PRKCH: variants seen among roughly 807,000 people sequenced by gnomAD.
PRKCH encodes protein kinase C eta.
PRKCH carries 28 observed loss-of-function variants against 82.5 expected under a neutral mutation model. That is an observed-to-expected ratio of 0.34 (90% confidence interval 0.25 to 0.47). The LOEUF (loss-of-function observed/expected upper bound fraction) is 0.47, where lower values mean the gene tolerates loss of function less well. Ranked by LOEUF, PRKCH falls within the 20% of genes least tolerant of loss-of-function variation. PRKCH has a pLI of 1.00. For missense variants in PRKCH, 705 were observed against 881.8 expected (o/e 0.80, Z 2.54); for synonymous variants, 322 against 327.4 (o/e 0.98, Z 0.18).
intron 2 of PRKCH, among the ~76,000 whole-genome samples, chr14:61,427,482 C>A (rs184546676): frequency 3.3e-5 from 5 of 152,230 alleles, no homozygotes; most frequent in Admixed American, 2.6e-4. Context: ...AGATTCTTTA[C>A]GGATGCAAAT....
chr14:61,484,764 CTTTTTTTTTT>C (rs375542490), intron 9 of PRKCH, among the ~76,000 whole-genome samples: 35 of 121,206 alleles, frequency 2.9e-4, no homozygotes, highest in Admixed American at 1.0e-3. Flanking sequence ...ATTTGGCTTC[CTTTTTTTTTT>C]TTTTTTTTTG....
intron 1 of PRKCH, among the ~76,000 whole-genome samples, chr14:61,351,376 G>C (rs930750341): frequency 6.6e-6 from 1 of 152,202 alleles, no homozygotes; most frequent in Non-Finnish European, 1.5e-5. Context: ...TGAGAGATGG[G>C]CGAGGAGTGC....
At chr14:61,281,072 A>G in intron 1 of PRKCH, 1 of 1,517,362 alleles carries the variant, frequency 6.6e-7, no homozygotes, top group Non-Finnish European at 8.8e-7. Context: ...AGCGGCTGCC[A>G]GGCGGGGAGG....
At chr14:61,526,364 C>T (rs1046563743) in intron 10 of PRKCH, among the ~76,000 whole-genome samples, 2 of 152,174 alleles carry the variant, frequency 1.3e-5, no homozygotes, top group Admixed American at 6.5e-5. Flanking sequence ...CCCTGACACC[C>T]GGGGAGGCTG....
At chr14:61,240,066 A>C (rs1003991017) in intron 1 of PRKCH, among the ~76,000 whole-genome samples, 2 of 152,330 alleles carry the variant, frequency 1.3e-5, no homozygotes, top group Non-Finnish European at 2.9e-5. Flanking sequence ...TTAGTAACTG[A>C]GTGCAACACA....
intron 1 of PRKCH, chr14:61,298,561 A>G (rs751870459): frequency 4.6e-5 from 7 of 152,196 alleles, no homozygotes; most frequent in Non-Finnish European, 8.8e-5. Context: ...ATTCATTTAC[A>G]AATTACAAAT....
intron 1 of PRKCH, among the ~76,000 whole-genome samples, chr14:61,269,060 T>C (rs1416775802): frequency 6.6e-6 from 1 of 152,246 alleles, no homozygotes; most frequent in Non-Finnish European, 1.5e-5. Context: ...GTGGCAGTCT[T>C]TTCCATTTTT....
Position 61,280,390 on chromosome 14 carries a change from C to G in PRKCH, c.-19+92722C>G. 1 of 1,614,022 alleles carries G rather than the reference C, an allele frequency of 6.2e-7. No homozygotes were observed. The highest frequency in any genetic ancestry group is 8.5e-7 in the Non-Finnish European group (1 of 1,179,906). ...CGTGGGCAGCGCCGCCGTGCGCATC[C>G]ACACCACGAAGTCCTGATTGATGAA... On this transcript the variant is annotated intron_variant, in intron 1 of 3. Transcript: ENST00000555185. This position sits in a 1 kb window ranked among gnomAD's most constrained non-coding sequence, Gnocchi z 5.0.
chr14:61,496,774 T>C (rs2139941690), intron 10 of PRKCH, among the ~76,000 whole-genome samples: 2 of 152,326 alleles, frequency 1.3e-5, no homozygotes, highest in South Asian at 4.1e-4. Flanking sequence ...CTACGCTTTT[T>C]TTATTTTAAG....
intron 1 of PRKCH, among the ~76,000 whole-genome samples, chr14:61,336,146 G>A (rs935972458): frequency 6.6e-6 from 1 of 152,136 alleles, no homozygotes; most frequent in African/African-American, 2.4e-5. Context: ...TCTACCCTCA[G>A]CACTTCAATA....
intron 1 of PRKCH, among the ~76,000 whole-genome samples, chr14:61,365,751 G>A (rs1244428856): frequency 6.6e-6 from 1 of 151,964 alleles, no homozygotes; most frequent in Non-Finnish European, 1.5e-5. Context: ...CAGAAGATAC[G>A]ATTCTTGCCC....
intron 10 of PRKCH, among the ~76,000 whole-genome samples, chr14:61,515,983 T>G (rs1416175138): frequency 6.6e-6 from 1 of 152,118 alleles, no homozygotes; most frequent in Non-Finnish European, 1.5e-5. Flanking sequence ...CTACATTTCT[T>G]GATGAGGAAA....
At chr14:61,206,641 C>T (rs780046333) in intron 1 of PRKCH, among the ~76,000 whole-genome samples, 2 of 152,074 alleles carry the variant, frequency 1.3e-5, no homozygotes, top group Admixed American at 6.5e-5. Flanking sequence ...TTCAAGAGAA[C>T]AAACCCAATT....
At chr14:61,436,603 G>A (rs1284300577) in intron 2 of PRKCH, among the ~76,000 whole-genome samples, 1 of 152,168 alleles carries the variant, frequency 6.6e-6, no homozygotes, top group African/African-American at 2.4e-5. Flanking sequence ...CGTGATCTCA[G>A]CTCACAGCAA....
chr14:61,279,423 A>G (rs2045236028), intron 1 of PRKCH: 1 of 152,204 alleles, frequency 6.6e-6, no homozygotes, highest in Non-Finnish European at 1.5e-5. Flanking sequence ...TTCAGGCCCA[A>G]CCTGGTTCAG....
chr14:61,389,626 G>C (rs925126992), intron 1 of PRKCH, among the ~76,000 whole-genome samples: 2 of 151,896 alleles, frequency 1.3e-5, no homozygotes, highest in Admixed American at 6.5e-5. Context: ...GCTTGAGGCT[G>C]GGAGTTCAAG....
chr14:61,441,665 C>T, intron 2 of PRKCH, among the ~76,000 whole-genome samples: 1 of 150,648 alleles, frequency 6.6e-6, no homozygotes, highest in East Asian at 1.9e-4. Context: ...AATAGTAACC[C>T]TTTGTCATGT....
At chr14:61,495,810 G>C (rs1250776518) in intron 10 of PRKCH, among the ~76,000 whole-genome samples, 1 of 152,132 alleles carries the variant, frequency 6.6e-6, no homozygotes, top group Non-Finnish European at 1.5e-5. Context: ...ACAAAATATA[G>C]AAAGAACACA....
chr14:61,303,860 G>A (rs2045465188), intron 1 of PRKCH: 1 of 141,532 alleles, frequency 7.1e-6, no homozygotes, highest in South Asian at 2.2e-4. Context: ...TTTTTTTATG[G>A]TTGCTATAGG....
Sources: allele counts gnomAD v4.1 joint callset (sites outside exome capture counted in the v4.1 genomes callset), GRCh38; gene constraint gnomAD v4.1.1; non-coding constraint Gnocchi (gnomAD v3.1); transcripts MANE v1.5; gene names NCBI Gene and HGNC (gene_info 2026-07-23, HGNC 2026-07-21).